The following CCPG1 variants were observed in gnomAD, a reference collection of about 807,000 sequenced individuals.
The protein encoded by CCPG1 is cell cycle progression 1.
A neutral mutation model predicts 81.3 loss-of-function variants in CCPG1; 46 were observed. The observed-to-expected ratio is 0.57, with a 90% CI of 0.45 to 0.72. The LOEUF is 0.72. CCPG1 is among the 30% of genes least tolerant of loss of function. CCPG1 has a pLI of 0.00. For missense variants in CCPG1, 902 were observed against 937.6 expected (o/e 0.96, Z 0.50); for synonymous variants, 330 against 305.2 (o/e 1.08, Z -0.85).
rs1343204318 is a variant in CCPG1, at chr15:55,357,150, G to GTC, written c.2235-743_2235-742dup. The GTC allele has an allele frequency of 3.1e-6, 3 of 962,334 alleles. No homozygotes were observed. The African/African-American group carries it at 5.3e-5, about 17-fold the overall frequency. The allele number at this position is 962,334 out of a possible 1,614,324, so 59.6% of individuals were successfully genotyped here. A position where few individuals can be genotyped will look rare whatever the true frequency, so the allele number is the denominator to read the frequency against. On this transcript the variant is annotated intron_variant, in intron 8 of 8. Transcript: ENST00000442196. ...GCCAACTAACCCTCTCCACTTGAAT[G>GTC]TCAGTAGTTACCTCCAAACACAATT...
At chr15:55,373,161 C>A in intron 5 of CCPG1, 1 of 405,692 alleles carries the variant, frequency 2.5e-6, no homozygotes, top group Non-Finnish European at 4.8e-6. Context: ...GAAAAAATCA[C>A]CTTCAGTTTT....
intron 1 of CCPG1, among the ~76,000 whole-genome samples, chr15:55,406,169 T>C (rs1207256218): frequency 6.6e-6 from 1 of 151,908 alleles, no homozygotes; most frequent in Non-Finnish European, 1.5e-5. Flanking sequence ...TAGGCCTTTA[T>C]TTTCTTTTTA....
intron 2 of CCPG1, among the ~76,000 whole-genome samples, chr15:55,386,193 CAAAAAAAA>C (rs34646724): frequency 9.6e-6 from 1 of 103,862 alleles, no homozygotes; most frequent in Non-Finnish European, 1.8e-5. Flanking sequence ...AATTCCGTCT[CAAAAAAAA>C]AAAAAAAAAA....
chr15:55,356,077 GAAT>G lies in CCPG1; in HGVS notation c.*140_*142del, dbSNP rs543551188. 504 of 648,920 alleles carry G rather than the reference GAAT, an allele frequency of 7.8e-4. 3 individuals carry two copies. The African/African-American group carries it at 8.4e-3, about 11-fold the overall frequency. The allele number at this position is 648,920 out of a possible 1,614,324, so 40.2% of individuals were successfully genotyped here. On this transcript the variant is annotated 3_prime_UTR_variant, in exon 9 of 9. Transcript: ENST00000442196. The stretch of plus-strand genomic sequence containing the variant: ...TAGACTTTTAACTAATGCTTCTGAG[GAAT>G]AATATAAAGTTATCAAACTGATACT...
At chr15:55,399,663 C>T (rs1163030041) in intron 1 of CCPG1, 1 of 152,104 alleles carries the variant, frequency 6.6e-6, no homozygotes, top group Non-Finnish European at 1.5e-5. Context: ...ATATCTGTAA[C>T]TCATGAAAAG....
At chr15:55,386,614 G>C (rs2056804050) in intron 2 of CCPG1, among the ~76,000 whole-genome samples, 1 of 152,084 alleles carries the variant, frequency 6.6e-6, no homozygotes. Context: ...AAAAAAGTAG[G>C]GCCGGGGCAG....
intron 6 of CCPG1, among the ~76,000 whole-genome samples, chr15:55,367,259 T>A (rs1368564862): frequency 6.6e-6 from 1 of 152,226 alleles, no homozygotes; most frequent in East Asian, 1.9e-4. Flanking sequence ...AATTTCTATT[T>A]CAAACTGCTG....
At position 55,355,654 on chromosome 15, in the gene CCPG1, T is replaced by C. The variant is rs2056064227; in HGVS notation, c.*566A>G. ...AAGACCTTTAGTTTTCCTCATGGTGTAGTTTTATTGTTTCTTCCACGATAT... is the reference window on the plus strand; with the variant it reads ...AAGACCTTTAGTTTTCCTCATGGTGCAGTTTTATTGTTTCTTCCACGATAT... On this transcript the variant is annotated 3_prime_UTR_variant, in exon 9 of 9. Coordinates refer to ENST00000442196, the MANE Select transcript of CCPG1 (RefSeq NM_001204450.2). 2 of 364,908 alleles carry C rather than the reference T, an allele frequency of 5.5e-6. No individual in the cohort carries two copies. Among genetic ancestry groups the C allele is most frequent in the Non-Finnish European group, 9.7e-6 (2 of 206,240 alleles). 22.6% of individuals were successfully genotyped at this position (364,908 alleles called of 1,614,324 possible).
chr15:55,397,070 C>G (rs2057031326), intron 1 of CCPG1, among the ~76,000 whole-genome samples: 1 of 152,112 alleles, frequency 6.6e-6, no homozygotes, highest in Non-Finnish European at 1.5e-5. Flanking sequence ...GGCGATTAGC[C>G]GGGCGTGGTA....
At chr15:55,380,541 C>A (rs2056665594) in intron 3 of CCPG1, among the ~76,000 whole-genome samples, 1 of 151,716 alleles carries the variant, frequency 6.6e-6, no homozygotes, top group Non-Finnish European at 1.5e-5. Context: ...GTAAGCCGCC[C>A]GCCTCGGCCA....
chr15:55,399,387 A>G (rs899194336), intron 1 of CCPG1, among the ~76,000 whole-genome samples: 5 of 145,508 alleles, frequency 3.4e-5, no homozygotes, highest in African/African-American at 1.3e-4. Flanking sequence ...CCTGGCCAAC[A>G]TGGTGCAAAC....
intron 7 of CCPG1, among the ~76,000 whole-genome samples, chr15:55,361,427 G>C (rs1372636209): frequency 6.6e-6 from 1 of 151,826 alleles, no homozygotes; most frequent in East Asian, 2.0e-4. Flanking sequence ...AAAATTATTA[G>C]CTGGGCGCGG....
Position 55,385,705 on chromosome 15 carries a change from T to C in CCPG1, c.70A>G (p.Ile24Val). Residue 24 changes from isoleucine (I) to valine (V), a missense_variant, in exon 3 of 9, where the codon ATA becomes GTA. Physicochemically the swap from Ile to Val is conservative, Grantham distance 29. Coordinates refer to ENST00000442196, the MANE Select transcript of CCPG1 (RefSeq NM_001204450.2). ...WTVISHEGSD[I>V]EMLNSVTPTD... ...GGGGTCACAGAATTCAACATTTCTA[T>C]ATCTGACCCCTAAGGAAAAGTGATA... 7.0e-6 allele frequency: 11 copies of C among 1,577,660 alleles called. No individual in the cohort carries two copies. The highest frequency in any genetic ancestry group is 9.6e-6 in the Non-Finnish European group (11 of 1,147,048).
chr15:55,359,527 A>G lies in CCPG1; in HGVS notation c.2234+12T>C. 1.3e-6 allele frequency: 2 copies of G among 1,583,754 alleles called. No individual in the cohort carries two copies. The highest frequency in any genetic ancestry group is 1.7e-6 in the Non-Finnish European group (2 of 1,168,606). On this transcript the variant is annotated intron_variant, in intron 8 of 8. Coordinates refer to ENST00000442196, the MANE Select transcript of CCPG1 (RefSeq NM_001204450.2). Reference sequence around the variant, plus strand: ...CAAACTACTGTAATGACACGGTTTTATGTAAACCGACCTGGGTCCATATGG... The same window carrying G: ...CAAACTACTGTAATGACACGGTTTTGTGTAAACCGACCTGGGTCCATATGG...
At chr15:55,396,891 GGA>G (rs1006890723) in intron 1 of CCPG1, among the ~76,000 whole-genome samples, 5 of 151,322 alleles carry the variant, frequency 3.3e-5, no homozygotes, top group African/African-American at 1.2e-4. Context: ...TCGCCTAGCA[GGA>G]GAGAGGAGGA....
At chr15:55,403,297 CCT>C (rs1232136869) in intron 1 of CCPG1, among the ~76,000 whole-genome samples, 6 of 152,012 alleles carry the variant, frequency 3.9e-5, no homozygotes, top group Admixed American at 2.6e-4. Flanking sequence ...CATTAAAAAT[CCT>C]CTGATTTCCA....
At chr15:55,356,568 G>C in intron 8 of CCPG1, 159 bp from the exon 9 acceptor site, 2 of 1,234,994 alleles carry the variant, frequency 1.6e-6, no homozygotes, top group Non-Finnish European at 2.1e-6. Context: ...AAAAATAAAG[G>C]AGTCTGTATT....
intron 7 of CCPG1, among the ~76,000 whole-genome samples, chr15:55,361,433 CGCGGTG>C (rs1243282020): frequency 6.6e-6 from 1 of 151,620 alleles, no homozygotes; most frequent in East Asian, 2.0e-4. Flanking sequence ...ATTAGCTGGG[CGCGGTG>C]GCTCATGCCT....
At chr15:55,362,506 G>T (rs2056223802) in intron 7 of CCPG1, among the ~76,000 whole-genome samples, 1 of 152,114 alleles carries the variant, frequency 6.6e-6, no homozygotes, top group Non-Finnish European at 1.5e-5. Flanking sequence ...TGAGAGAAAA[G>T]AAATTTCTTC....
Sources: allele counts gnomAD v4.1 joint callset (sites outside exome capture counted in the v4.1 genomes callset), GRCh38; gene constraint gnomAD v4.1.1; transcripts MANE v1.5; gene names NCBI Gene and HGNC (gene_info 2026-07-23, HGNC 2026-07-21).